The following NCKAP5 variants were observed in gnomAD, a reference collection of about 807,000 sequenced individuals.
NCKAP5 encodes NCK associated protein 5, also known as nck-associated protein 5.
Under a neutral mutation model 167.0 loss-of-function variants are expected in NCKAP5, and 92 were observed. That is an observed-to-expected ratio of 0.55 (90% CI 0.47 to 0.66). NCKAP5 has a LOEUF of 0.66. Among genes scored for constraint, NCKAP5 ranks in the 30% least tolerant of loss-of-function variants. The pLI, the probability that NCKAP5 is intolerant of heterozygous loss-of-function variation, is 0.00. For synonymous variants in NCKAP5, 891 were observed against 877.4 expected, an observed-to-expected ratio of 1.02 and a Z score of -0.27; for missense variants, 2,378 against 2,315.0, an observed-to-expected ratio of 1.03 and a Z score of -0.56.
At chr2:132,921,466 T>C (rs1372743390) in intron 8 of NCKAP5, among the ~76,000 whole-genome samples, 2 of 152,210 alleles carry the variant, frequency 1.3e-5, no homozygotes, top group Non-Finnish European at 2.9e-5. Flanking sequence ...CAAATATTTA[T>C]CGAGTTGTCC....
At chr2:133,204,802 G>T (rs745991113) in intron 5 of NCKAP5, among the ~76,000 whole-genome samples, 8 of 152,228 alleles carry the variant, frequency 5.3e-5, no homozygotes, top group Non-Finnish European at 1.0e-4. Context: ...CCAAATAAAT[G>T]GGCATGGGGT....
intron 4 of NCKAP5, among the ~76,000 whole-genome samples, chr2:133,289,880 A>T (rs1342019593): frequency 6.6e-6 from 1 of 152,168 alleles, no homozygotes; most frequent in East Asian, 1.9e-4. Context: ...CACATCTTAC[A>T]TGGCCAGAGG....
At chr2:133,503,462 T>C (rs1467613607) in intron 3 of NCKAP5, among the ~76,000 whole-genome samples, 1 of 152,216 alleles carries the variant, frequency 6.6e-6, no homozygotes, top group Non-Finnish European at 1.5e-5. Flanking sequence ...GGCTAATTAG[T>C]AGCAGAGCTG....
At chr2:133,642,412 A>G in the NCKAP5 span, among the ~76,000 whole-genome samples, 1 of 152,164 alleles carries the variant, frequency 6.6e-6, no homozygotes, top group South Asian at 2.1e-4. Flanking sequence ...TTACCATTTT[A>G]GCCAGATGAA....
At chr2:133,321,697 T>A (rs940487955) in intron 3 of NCKAP5, among the ~76,000 whole-genome samples, 4 of 152,200 alleles carry the variant, frequency 2.6e-5, no homozygotes, top group Admixed American at 6.5e-5. Flanking sequence ...AGGCTGGCTG[T>A]TAAAAGTACC....
In NCKAP5 at chr2:133,026,696, G is replaced by A. The variant is rs902376891; in HGVS notation, c.342-32457C>T. 7.9e-5 allele frequency among the ~76,000 whole-genome samples: 12 copies of A among 152,154 alleles called. No homozygotes were observed. The South Asian group carries it at 1.4e-3, about 18-fold the overall frequency. ...GAACTGTTTTTGAGAAAGTCTGTGC[G>A]CTGAAGCCTTGCAGGGAACTATCCT... On this transcript the variant is annotated intron_variant, in intron 6 of 19. Transcript: ENST00000409261.
chr2:133,661,876 C>A, the NCKAP5 span, among the ~76,000 whole-genome samples: 1 of 152,124 alleles, frequency 6.6e-6, no homozygotes, highest in African/African-American at 2.4e-5. Context: ...GCATTGTAAT[C>A]TTCTGGGAGG....
the NCKAP5 span, among the ~76,000 whole-genome samples, chr2:133,658,896 A>C: frequency 2.6e-5 from 4 of 151,870 alleles, no homozygotes; most frequent in Admixed American, 2.0e-4. Context: ...ATCTGCTTGT[A>C]GGAAACTCCT....
At chr2:133,563,030 A>G (rs1357754986) in intron 1 of NCKAP5, among the ~76,000 whole-genome samples, 1 of 152,236 alleles carries the variant, frequency 6.6e-6, no homozygotes, top group Non-Finnish European at 1.5e-5. Flanking sequence ...AACTGGGTCC[A>G]TGACTTGCCA....
At chr2:132,787,691 C>A (rs1418037253) in intron 13 of NCKAP5, among the ~76,000 whole-genome samples, 1 of 152,118 alleles carries the variant, frequency 6.6e-6, no homozygotes, top group South Asian at 2.1e-4. Flanking sequence ...AGTGATGCTG[C>A]CCCACTTCCT....
At chr2:133,619,895 C>T in the NCKAP5 span, among the ~76,000 whole-genome samples, 3 of 152,110 alleles carry the variant, frequency 2.0e-5, no homozygotes, top group African/African-American at 7.2e-5. Flanking sequence ...ATCATATTAA[C>T]AGCAGATTTC....
intron 3 of NCKAP5, among the ~76,000 whole-genome samples, chr2:133,351,391 C>G (rs996571200): frequency 6.6e-6 from 1 of 151,944 alleles, no homozygotes; most frequent in African/African-American, 2.4e-5. Context: ...CTTCTTTGAG[C>G]CTTAATTTTT....
At chr2:132,983,932 C>T (rs2077212558) in intron 7 of NCKAP5, among the ~76,000 whole-genome samples, 1 of 152,152 alleles carries the variant, frequency 6.6e-6, no homozygotes, top group Admixed American at 6.5e-5. Flanking sequence ...CCACATTCTC[C>T]CATGACCTGT....
chr2:132,754,384 A>AT (rs35414167), intron 16 of NCKAP5, among the ~76,000 whole-genome samples: 26,268 of 152,136 alleles, frequency 0.17, 3,219 homozygotes, highest in East Asian at 0.62. Context: ...GCCACCTACT[A>AT]TTTATTCAAG....
intron 5 of NCKAP5, among the ~76,000 whole-genome samples, chr2:133,211,085 T>TC: frequency 6.7e-6 from 1 of 150,164 alleles, no homozygotes; most frequent in East Asian, 2.0e-4. Flanking sequence ...CCGCATGCAG[T>TC]CCCCTGGCAC....
At chr2:133,617,774 G>A in the NCKAP5 span, among the ~76,000 whole-genome samples, 1 of 151,324 alleles carries the variant, frequency 6.6e-6, no homozygotes, top group East Asian at 1.9e-4. Flanking sequence ...AGCTACCAAT[G>A]ACTTTCTTCA....
At chr2:133,280,356 A>G (rs1005727068) in intron 4 of NCKAP5, among the ~76,000 whole-genome samples, 2 of 152,236 alleles carry the variant, frequency 1.3e-5, no homozygotes, top group African/African-American at 4.8e-5. Flanking sequence ...TTGACCCCTT[A>G]ACCCTAGCAT....
chr2:132,749,992 A>C (rs956764407), intron 16 of NCKAP5, among the ~76,000 whole-genome samples: 2 of 151,220 alleles, frequency 1.3e-5, no homozygotes, highest in African/African-American at 4.8e-5. Flanking sequence ...GGCAAAAATC[A>C]GTATATCCAG....
chr2:133,638,857 C>CAAAAAAAAAAAA, the NCKAP5 span, among the ~76,000 whole-genome samples: 6,960 of 82,182 alleles, frequency 0.085, 272 homozygotes, highest in Non-Finnish European at 0.1. Flanking sequence ...GACTCTATCT[C>CAAAAAAAAAAAA]AAAAAAAAAA....
Sources: gnomAD v4.1 joint callset for allele counts (sites outside exome capture counted in the v4.1 genomes callset) on GRCh38, gnomAD v4.1.1 for gene constraint, MANE v1.5 for transcripts, NCBI Gene and HGNC (gene_info 2026-07-23, HGNC 2026-07-21) for gene names.